Variants in FANCA observed in about 807,000 individuals in gnomAD.
The protein encoded by FANCA is Fanconi anemia group A protein.
Under a neutral mutation model 194.3 loss-of-function variants are expected in FANCA, and 236 were observed. That is an observed-to-expected ratio of 1.21 (90% CI 1.09 to 1.35). The LOEUF (loss-of-function observed/expected upper bound fraction) is 1.35. Among genes scored for constraint, FANCA ranks in the 40% most tolerant of loss-of-function variants. FANCA has a pLI of 0.00. For synonymous variants in FANCA, 1,014 were observed against 715.8 expected (o/e 1.42, Z -6.65); for missense variants, 2,628 against 1,813.9 (o/e 1.45, Z -8.15).
At chr16:89,814,695 T>G (rs768804787) in intron 2 of FANCA, 82 bp from the exon 3 acceptor site, 50 of 1,005,300 alleles carry the variant, frequency 5.0e-5, no homozygotes, top group Non-Finnish European at 7.4e-5. Context: ...GTAATCCCAG[T>G]ACTTTGGGAG....
At chr16:89,800,214 A>G (rs1193523055) in intron 8 of FANCA, among the ~76,000 whole-genome samples, 2 of 152,204 alleles carry the variant, frequency 1.3e-5, no homozygotes, top group East Asian at 1.9e-4. Flanking sequence ...CAGTGAAGAG[A>G]GGAAAGCTCA....
At chr16:89,751,496 A>C (rs145071222) in intron 31 of FANCA, among the ~76,000 whole-genome samples, 8 of 152,250 alleles carry the variant, frequency 5.3e-5, no homozygotes, top group African/African-American at 1.9e-4. Flanking sequence ...TTATGATTAC[A>C]ATTAAGAGGA....
At chr16:89,808,416 G>A (rs778042094) in intron 5 of FANCA, 49 bp from the exon 6 acceptor site, 1 of 1,568,110 alleles carries the variant, frequency 6.4e-7, no homozygotes, top group South Asian at 1.1e-5. Context: ...AAAACCCCCA[G>A]CATTCTGAGT....
At chr16:89,803,203 A>T in intron 8 of FANCA, 56 bp downstream of exon 8, 1 of 1,502,544 alleles carries the variant, frequency 6.7e-7, no homozygotes, top group East Asian at 2.3e-5. Context: ...ACATTTCAAC[A>T]CTTGGAATAA....
At chr16:89,743,027 T>C (rs2062174197) in intron 36 of FANCA, 89 bp from the exon 37 acceptor site, 3 of 1,477,594 alleles carry the variant, frequency 2.0e-6, no homozygotes, top group Non-Finnish European at 9.2e-7. Context: ...CCTGTCACCT[T>C]TGGGGCCTGC....
Position 89,814,607 on chromosome 16 carries a change from C to T in FANCA, c.196G>A (p.Gly66Ser). ...DLNALLLEVEGPLCKKLSLSK... is the reference protein window; with the variant it reads ...DLNALLLEVESPLCKKLSLSK... Reference sequence around the variant, plus strand: ...AGAGACAATTTTTTACACAGTGGACCTTCTACCTAGAATCCAAAACACAAC... The same window carrying T: ...AGAGACAATTTTTTACACAGTGGACTTTCTACCTAGAATCCAAAACACAAC... Residue 66 changes from glycine (G) to serine (S), a missense_variant, in exon 3 of 43, where the codon GGT (glycine) becomes AGT (serine). Coordinates refer to ENST00000389301, the MANE Select transcript of FANCA (RefSeq NM_000135.4). 1 of 1,612,392 alleles carries T rather than the reference C, an allele frequency of 6.2e-7. No individual in the cohort carries two copies. Among genetic ancestry groups the T allele is most frequent in the Non-Finnish European group, 8.5e-7 (1 of 1,178,512 alleles).
rs577194734 is a variant in FANCA, at chr16:89,738,974, C to G, written c.4168G>C (p.Gly1390Arg). The change falls in exon 42 of 43, where the codon GGC becomes CGC. Residue 1390 changes from glycine to arginine, a missense_variant and splice_region_variant. Coordinates refer to ENST00000389301, the MANE Select transcript of FANCA (RefSeq NM_000135.4). ...AGRSLELKGQGNPVELITKAR... is the reference protein window; with the variant it reads ...AGRSLELKGQRNPVELITKAR... Reference sequence around the variant, plus strand: ...TTTGTTATCAGTTCCACGGGGTTGCCCTAGAGAGAAAACAGGCAAACTCAC... The same window carrying G: ...TTTGTTATCAGTTCCACGGGGTTGCGCTAGAGAGAAAACAGGCAAACTCAC... 3.7e-6 allele frequency: 6 copies of G among 1,614,230 alleles called. No homozygotes were observed. The South Asian group carries it at 6.6e-5, about 18-fold the overall frequency.
chr16:89,774,172 G>A (rs2039416481), intron 21 of FANCA, among the ~76,000 whole-genome samples: 1 of 152,142 alleles, frequency 6.6e-6, no homozygotes, highest in Non-Finnish European at 1.5e-5. Context: ...AAAATGCACT[G>A]CTATGCACAG....
At chr16:89,760,025 G>A (rs1044081920) in intron 29 of FANCA, among the ~76,000 whole-genome samples, 1 of 152,120 alleles carries the variant, frequency 6.6e-6, no homozygotes, top group Non-Finnish European at 1.5e-5. Flanking sequence ...CCGGAACTGG[G>A]GTGCTCCACC....
intron 2 of FANCA, 75 bp downstream of exon 2, chr16:89,815,802 G>C: frequency 8.3e-7 from 1 of 1,198,116 alleles, no homozygotes; most frequent in Non-Finnish European, 1.2e-6. Context: ...GTTTTCTTAG[G>C]AAAGCTGTGC....
chr16:89,810,077 C>T (rs1273878046), intron 5 of FANCA, among the ~76,000 whole-genome samples: 1 of 151,800 alleles, frequency 6.6e-6, no homozygotes, highest in African/African-American at 2.4e-5. Context: ...AATCCCAGCA[C>T]TTTGGGAGGC....
At chr16:89,782,551 A>T (rs2039756080) in intron 17 of FANCA, among the ~76,000 whole-genome samples, 1 of 152,070 alleles carries the variant, frequency 6.6e-6, no homozygotes, top group Non-Finnish European at 1.5e-5. Flanking sequence ...TGATTCAGAG[A>T]AAAACATGAC....
intron 31 of FANCA, among the ~76,000 whole-genome samples, chr16:89,751,561 G>A (rs1443436808): frequency 6.6e-6 from 1 of 152,132 alleles, no homozygotes; most frequent in Non-Finnish European, 1.5e-5. Flanking sequence ...AAAGCATCTG[G>A]CTAAGGAGTT....
intron 30 of FANCA, 115 bp from the exon 31 acceptor site, chr16:89,752,337 C>A: frequency 2.3e-6 from 2 of 861,406 alleles, no homozygotes; most frequent in Non-Finnish European, 4.0e-6. Context: ...ACAGTGTGAC[C>A]CTCACATTAG....
chr16:89,798,859 G>A lies in FANCA; in HGVS notation c.893+307C>T, dbSNP rs1310946762. The A allele has an allele frequency of 5.9e-6, 9 of 1,536,032 alleles. No individual in the cohort carries two copies. In the East Asian group the frequency reaches 2.1e-4, roughly 35 times the overall value. ...TCACACCCAGGGAAGGAGGAGCAAG[G>A]GGAGACTCCACACAGGAGGAGGTCA... On this transcript the variant is annotated intron_variant, in intron 10 of 42. Coordinates refer to ENST00000389301, the MANE Select transcript of FANCA (RefSeq NM_000135.4).
intron 11 of FANCA, among the ~76,000 whole-genome samples, chr16:89,794,862 G>C (rs954382613): frequency 3.9e-5 from 6 of 152,204 alleles, no homozygotes; most frequent in African/African-American, 1.4e-4. Context: ...ACACGCCACC[G>C]AGTCTAGCTG....
At chr16:89,746,937 G>C (rs375245934) in intron 33 of FANCA, 47 bp from the exon 34 acceptor site, 90 of 1,511,232 alleles carry the variant, frequency 6.0e-5, no homozygotes, top group Non-Finnish European at 7.9e-5. Flanking sequence ...AGGAAGAGAG[G>C]CGAGACCAAC....
Position 89,787,642 on chromosome 16 carries a change from G to A in FANCA, c.1360-2678C>T, listed in dbSNP as rs983449453. Among the ~76,000 whole-genome samples, 12 of 151,978 alleles carry A rather than the reference G, an allele frequency of 7.9e-5. No homozygotes were observed. In the South Asian group the frequency reaches 1.5e-3, roughly 18 times the overall value. Reference sequence around the variant, plus strand: ...ACTCAGCTGCTCGGGAAGTTGAGGTGGGAGGATCATTTGAGCCTGGAAGGT... The same window carrying A: ...ACTCAGCTGCTCGGGAAGTTGAGGTAGGAGGATCATTTGAGCCTGGAAGGT... On this transcript the variant is annotated intron_variant, in intron 14 of 42. Transcript: ENST00000389301.
At chr16:89,802,136 G>A (rs1016226645) in intron 8 of FANCA, among the ~76,000 whole-genome samples, 7 of 152,086 alleles carry the variant, frequency 4.6e-5, no homozygotes, top group South Asian at 2.1e-4. Context: ...ACGGAGTCTC[G>A]CTCTGTCACC....
Sources: gnomAD v4.1 joint callset for allele counts (sites outside exome capture counted in the v4.1 genomes callset) on GRCh38, gnomAD v4.1.1 for gene constraint, MANE v1.5 for transcripts, NCBI Gene and HGNC (gene_info 2026-07-23, HGNC 2026-07-21) for gene names.